GPR107: variants seen among roughly 807,000 people sequenced by gnomAD.
GPR107 encodes G protein-coupled receptor 107.
A neutral mutation model predicts 75.5 loss-of-function variants in GPR107; 31 were observed. The observed-to-expected ratio is 0.41, with a 90% confidence interval of 0.31 to 0.55. The LOEUF (loss-of-function observed/expected upper bound fraction) is 0.55. Ranked by LOEUF, GPR107 falls within the 20% of genes least tolerant of loss-of-function variation. The pLI, the probability that GPR107 is intolerant of heterozygous loss-of-function variation, is 0.26. For missense variants in GPR107, 572 were observed against 665.7 expected (o/e 0.86, Z 1.55); for synonymous variants, 267 against 251.3 (o/e 1.06, Z -0.59).
intron 1 of GPR107, among the ~76,000 whole-genome samples, chr9:130,059,150 C>T (rs1362169008): frequency 6.6e-6 from 1 of 152,196 alleles, no homozygotes; most frequent in Non-Finnish European, 1.5e-5. Flanking sequence ...TGAGAGTTCT[C>T]TTTCTTCACA....
chr9:130,055,108 T>C (rs1829723010), intron 1 of GPR107, among the ~76,000 whole-genome samples: 1 of 152,036 alleles, frequency 6.6e-6, no homozygotes, highest in African/African-American at 2.4e-5. Context: ...ATTAGAGACA[T>C]AGAAAAGTAA....
At chr9:130,066,751 C>T (rs987238222) in intron 1 of GPR107, among the ~76,000 whole-genome samples, 1 of 151,910 alleles carries the variant, frequency 6.6e-6, no homozygotes, top group Admixed American at 6.6e-5. Context: ...TTTGGGAGGC[C>T]GAGGCAGGCA....
At chr9:130,077,947 C>T (rs968054721) in intron 4 of GPR107, among the ~76,000 whole-genome samples, 2 of 152,096 alleles carry the variant, frequency 1.3e-5, no homozygotes, top group East Asian at 1.9e-4. Flanking sequence ...GGACGGATCA[C>T]GAGGTCAGGA....
intron 1 of GPR107, among the ~76,000 whole-genome samples, chr9:130,070,626 A>G (rs894347469): frequency 2.4e-4 from 36 of 152,208 alleles, no homozygotes; most frequent in African/African-American, 8.4e-4. Context: ...TTGAAAGGAT[A>G]TATATTTGCC....
chr9:130,082,826 A>G (rs1451749470), intron 5 of GPR107, among the ~76,000 whole-genome samples: 6 of 151,996 alleles, frequency 3.9e-5, no homozygotes, highest in African/African-American at 1.2e-4. Context: ...ACTCTGTTCC[A>G]TGAAAGAAGC....
chr9:130,108,538 G>A (rs1458674160), intron 14 of GPR107, among the ~76,000 whole-genome samples: 1 of 152,180 alleles, frequency 6.6e-6, no homozygotes, highest in Admixed American at 6.5e-5. Context: ...GGAGGATCTC[G>A]CCAGTTTGGG....
At chr9:130,084,656 G>A (rs1289365861) in intron 6 of GPR107, among the ~76,000 whole-genome samples, 1 of 151,626 alleles carries the variant, frequency 6.6e-6, no homozygotes, top group African/African-American at 2.4e-5. Flanking sequence ...TGCGCCTGTG[G>A]TCGCAGCTGT....
Position 130,135,078 on chromosome 9 carries a change from A to G in GPR107, c.1616A>G (p.Asn539Ser), listed in dbSNP as rs1554899737. The stretch of plus-strand genomic sequence containing the variant: ...ATGAAGAAAGTCAAGAAGGTGACCA[A>G]CGGCTCCGTGGAGCCCCAGGGCGAG... ...ESMKKVKKVT[N>S]GSVEPQGEWE... Residue 539 changes from asparagine (N) to serine (S), a missense_variant, in exon 18 of 18, where the codon AAC (asparagine) becomes AGC (serine). Asn to Ser is a conservative substitution (Grantham distance 46). Transcript: ENST00000347136. 3.7e-6 allele frequency: 6 copies of G among 1,611,788 alleles called. No individual in the cohort carries two copies. Among genetic ancestry groups the G allele is most frequent in the Non-Finnish European group, 3.4e-6 (4 of 1,178,452 alleles).
chr9:130,084,599 G>A (rs1371335770), intron 6 of GPR107, among the ~76,000 whole-genome samples: 4 of 151,590 alleles, frequency 2.6e-5, no homozygotes, highest in African/African-American at 4.8e-5. Context: ...GCTACATGGC[G>A]AAACCTTATC....
Position 130,092,265 on chromosome 9 carries a change from G to T in GPR107, c.747G>T (p.Lys249Asn). The change falls in exon 9 of 18, where the codon AAG becomes AAT. Residue 249 changes from lysine to asparagine, a missense_variant. Physicochemically the swap from Lys to Asn is moderately conservative, Grantham distance 94. Transcript: ENST00000347136. ...TFSLDIEITEKNPDSYLSAGE... is the reference protein window; with the variant it reads ...TFSLDIEITENNPDSYLSAGE... ...GGTTTCAGATTGAGATCACAGAGAA[G>T]AATCCTGACAGCTACCTCTCAGCAG... 6.2e-7 allele frequency: 1 copy of T among 1,611,076 alleles called. No individual in the cohort carries two copies.
Position 130,079,665 on chromosome 9 carries a change from A to C in GPR107, c.422A>C (p.Gln141Pro). ...AAGTCTCCACCAGAAGCTGGTACCCAGTTACCAAAGATCATCTTCAGCAGG... is the reference window on the plus strand; with the variant it reads ...AAGTCTCCACCAGAAGCTGGTACCCCGTTACCAAAGATCATCTTCAGCAGG... ...RVKSPPEAGT[Q>P]LPKIIFSRDE... Residue 141 changes from glutamine (Q) to proline (P), a missense_variant, in exon 5 of 18, where the codon CAG becomes CCG. Physicochemically the swap from Gln to Pro is moderately conservative, Grantham distance 76. Coordinates refer to ENST00000347136, the MANE Select transcript of GPR107 (RefSeq NM_020960.5). The C allele has an allele frequency of 6.2e-7, 1 of 1,612,352 alleles. No individual in the cohort carries two copies. The highest frequency in any genetic ancestry group is 8.5e-7 in the Non-Finnish European group (1 of 1,178,388).
intron 6 of GPR107, among the ~76,000 whole-genome samples, chr9:130,086,191 A>T (rs577337776): frequency 6.6e-6 from 1 of 152,266 alleles, no homozygotes; most frequent in East Asian, 1.9e-4. Flanking sequence ...GGGTGGAGGT[A>T]GGGGTTAGTG....
In GPR107 at chr9:130,136,650, A is replaced by C. The variant is rs1296738874; in HGVS notation, c.*1529A>C. On this transcript the variant is annotated 3_prime_UTR_variant, in exon 18 of 18. Transcript: ENST00000347136. ...TGTCCCAAGTTTGGGAACCTGAAAAAGTCTCCATTCAGAACATGGTTGTTC... is the reference window on the plus strand; with the variant it reads ...TGTCCCAAGTTTGGGAACCTGAAAACGTCTCCATTCAGAACATGGTTGTTC... 5.3e-5 allele frequency: 8 copies of C among 152,330 alleles called. No individual in the cohort carries two copies. Among genetic ancestry groups the C allele is most frequent in the Non-Finnish European group, 7.3e-5 (5 of 68,032 alleles). The allele number at this position is 152,330 out of a possible 1,614,324, so 9.4% of individuals were successfully genotyped here.
intron 14 of GPR107, among the ~76,000 whole-genome samples, chr9:130,109,391 G>A (rs1056656089): frequency 7.9e-5 from 12 of 151,368 alleles, no homozygotes; most frequent in African/African-American, 2.2e-4. Context: ...GGCTGGTCTC[G>A]AACTCCTGAC....
chr9:130,104,855 T>G (rs1214742442), intron 13 of GPR107, among the ~76,000 whole-genome samples: 1 of 152,222 alleles, frequency 6.6e-6, no homozygotes, highest in Admixed American at 6.5e-5. Flanking sequence ...CCTGAATTTG[T>G]GGTGGTGGTA....
At chr9:130,058,756 C>T (rs778216907) in intron 1 of GPR107, among the ~76,000 whole-genome samples, 24 of 152,222 alleles carry the variant, frequency 1.6e-4, no homozygotes, top group Non-Finnish European at 3.2e-4. Flanking sequence ...TGAGCCACTG[C>T]GCCCGGCCGA....
intron 9 of GPR107, among the ~76,000 whole-genome samples, chr9:130,095,426 C>T (rs1292916074): frequency 2.0e-5 from 3 of 152,026 alleles, no homozygotes; most frequent in Non-Finnish European, 2.9e-5. Context: ...GACAGAGTCT[C>T]GCTCTGTCGC....
chr9:130,078,783 G>A (rs1830420368), intron 4 of GPR107, among the ~76,000 whole-genome samples: 1 of 152,192 alleles, frequency 6.6e-6, no homozygotes, highest in African/African-American at 2.4e-5. Flanking sequence ...AATGAGAAGT[G>A]CTTGAATGTG....
chr9:130,118,065 T>C (rs1418472651), intron 14 of GPR107, among the ~76,000 whole-genome samples: 1 of 152,192 alleles, frequency 6.6e-6, no homozygotes, highest in Non-Finnish European at 1.5e-5. Context: ...AGCTTGGTCC[T>C]TGGAGGGAGG....
Sources: allele counts gnomAD v4.1 joint callset (sites outside exome capture counted in the v4.1 genomes callset), GRCh38; gene constraint gnomAD v4.1.1; transcripts MANE v1.5; gene names NCBI Gene and HGNC (gene_info 2026-07-23, HGNC 2026-07-21).